The following LMF1 variants were observed in gnomAD, a reference collection of about 807,000 sequenced individuals.
LMF1 encodes lipase maturation factor 1, also known as transmembrane protein 112.
LMF1 carries 68 observed loss-of-function variants against 60.6 expected under a neutral mutation model. The observed-to-expected ratio is 1.12, with a 90% confidence interval of 0.92 to 1.37. The LOEUF is 1.37. Among genes scored for constraint, LMF1 ranks in the 40% most tolerant of loss-of-function variants. LMF1 has a pLI of 0.00. For synonymous variants in LMF1, 418 were observed against 324.7 expected (o/e 1.29, Z -3.09); for missense variants, 948 against 767.2 (o/e 1.24, Z -2.78).
intron 1 of LMF1, chr16:981,102 G>C (rs1374677621): frequency 1.6e-5 from 6 of 376,168 alleles, no homozygotes; most frequent in Non-Finnish European, 2.7e-5. Flanking sequence ...AGGGCGGCCC[G>C]GGGTCCCCCA....
chr16:973,215 G>A (rs1415510085), upstream of LMF1, among the ~76,000 whole-genome samples: 3 of 152,088 alleles, frequency 2.0e-5, no homozygotes, highest in East Asian at 5.8e-4. Flanking sequence ...TGTGGTGGCG[G>A]GCACCTGTAA....
At chr16:975,893 T>C (rs373219943), upstream of LMF1, 360 of 453,506 alleles carry the variant, frequency 7.9e-4, 1 homozygote, top group African/African-American at 6.6e-3. Flanking sequence ...CTTTGTGGCA[T>C]GCTTATTTCA....
chr16:975,211 C>T (rs1423577203), upstream of LMF1, among the ~76,000 whole-genome samples: 1 of 152,214 alleles, frequency 6.6e-6, no homozygotes, highest in Non-Finnish European at 1.5e-5. Flanking sequence ...GATGCGGCTC[C>T]ATGTGACCCT....
At chr16:950,733 A>G (rs1222984631) in intron 2 of LMF1, among the ~76,000 whole-genome samples, 2 of 134,586 alleles carry the variant, frequency 1.5e-5, no homozygotes, top group Admixed American at 7.2e-5. Context: ...CCAACGACAG[A>G]GTCAGAGACG....
upstream of LMF1, among the ~76,000 whole-genome samples, chr16:975,468 A>G (rs1476892940): frequency 6.6e-6 from 1 of 152,216 alleles, no homozygotes; most frequent in African/African-American, 2.4e-5. Flanking sequence ...ACCGACGGCC[A>G]CATTAATGCT....
At chr16:867,050 T>C (rs1596852169) in intron 10 of LMF1, among the ~76,000 whole-genome samples, 1 of 152,220 alleles carries the variant, frequency 6.6e-6, no homozygotes. Flanking sequence ...TTAAAGTCGA[T>C]GATGAACTCA....
At position 970,896 on chromosome 16, in the gene LMF1, ACTCAGG is replaced by A; in HGVS notation, c.79_84del (p.Pro27_Glu28del). ...GGGCCACGCCCCGGCGCGGGCGGCGACTCAGGCTCCGGATCCGAGTACCCAGTCTTC... is the reference window on the plus strand; with the variant it reads ...GGGCCACGCCCCGGCGCGGGCGGCGACTCCGGATCCGAGTACCCAGTCTTC... On this transcript the variant is annotated inframe_deletion, in exon 1 of 11. Coordinates refer to ENST00000262301, the MANE Select transcript of LMF1 (RefSeq NM_022773.4). The A allele has an allele frequency of 6.3e-7, 1 of 1,578,006 alleles. No homozygotes were observed. Among genetic ancestry groups the A allele is most frequent in the Non-Finnish European group, 8.6e-7 (1 of 1,164,110 alleles).
At chr16:909,467 C>T (rs1014897146) in intron 4 of LMF1, among the ~76,000 whole-genome samples, 4 of 152,220 alleles carry the variant, frequency 2.6e-5, no homozygotes, top group Admixed American at 6.5e-5. Flanking sequence ...CAGCGAGCCA[C>T]GCCACACAGA....
intron 5 of LMF1, among the ~76,000 whole-genome samples, chr16:886,289 C>T (rs541232476): frequency 6.6e-6 from 1 of 152,120 alleles, no homozygotes; most frequent in African/African-American, 2.4e-5. Flanking sequence ...GTAGAACAGC[C>T]GTGAGCACTG....
chr16:885,691 G>A (rs1596903734), intron 5 of LMF1, among the ~76,000 whole-genome samples: 2 of 152,310 alleles, frequency 1.3e-5, no homozygotes, highest in African/African-American at 2.4e-5. Context: ...TCTCAAACAC[G>A]TATGTGCCTG....
chr16:873,603 C>G (rs2891103), intron 6 of LMF1: 1 of 39,810 alleles, frequency 2.5e-5, no homozygotes, highest in South Asian at 5.6e-4. Flanking sequence ...AGGGACCCTC[C>G]GCCGAGGACA....
chr16:921,614 T>A (rs894821876), intron 3 of LMF1, among the ~76,000 whole-genome samples: 1 of 152,174 alleles, frequency 6.6e-6, no homozygotes, highest in African/African-American at 2.4e-5. Flanking sequence ...TCCCTATACC[T>A]TGATGGGGCT....
intron 2 of LMF1, among the ~76,000 whole-genome samples, chr16:935,979 A>AT: frequency 6.6e-6 from 1 of 152,370 alleles, no homozygotes; most frequent in East Asian, 1.9e-4. Context: ...AGTGGCTCTG[A>AT]TATCTTTTTA....
At chr16:939,449 G>A (rs17146049) in intron 2 of LMF1, among the ~76,000 whole-genome samples, 1,862 of 152,372 alleles carry the variant, frequency 0.012, 24 homozygotes, top group South Asian at 0.097. Flanking sequence ...CGTGCCGGCC[G>A]GTGGGCTTGG....
intron 1 of LMF1, among the ~76,000 whole-genome samples, chr16:964,289 CTG>C (rs2072878526): frequency 7.7e-6 from 1 of 129,128 alleles, no homozygotes; most frequent in East Asian, 2.1e-4. Context: ...AAGTGAAACT[CTG>C]TCTCAAAAAA....
chr16:917,521 C>T (rs79843141), intron 3 of LMF1, among the ~76,000 whole-genome samples: 40,307 of 140,428 alleles, frequency 0.29, 8,478 homozygotes, highest in African/African-American at 0.55. Flanking sequence ...CACACGTGTG[C>T]GCTGTGGGCG....
chr16:864,534 GGTA>G (rs2069558803), intron 10 of LMF1, among the ~76,000 whole-genome samples: 1 of 152,226 alleles, frequency 6.6e-6, no homozygotes, highest in South Asian at 2.1e-4. Context: ...GCACGTTTAA[GGTA>G]GTAGGCTAGG....
intron 4 of LMF1, among the ~76,000 whole-genome samples, chr16:906,435 G>C (rs184209301): frequency 2.5e-4 from 38 of 152,246 alleles, no homozygotes; most frequent in African/African-American, 8.2e-4. Flanking sequence ...GCAGAAAAAG[G>C]AGAAGAGGGG....
At chr16:898,028 G>A (rs78297242) in intron 4 of LMF1, among the ~76,000 whole-genome samples, 3,321 of 152,314 alleles carry the variant, frequency 0.022, 137 homozygotes, top group African/African-American at 0.075. Flanking sequence ...GAGGGGCCTC[G>A]CCTCTGGGCC....
Sources: allele counts gnomAD v4.1 joint callset (sites outside exome capture counted in the v4.1 genomes callset), GRCh38; gene constraint gnomAD v4.1.1; transcripts MANE v1.5; gene names NCBI Gene and HGNC (gene_info 2026-07-23, HGNC 2026-07-21).